The following RBFOX1 variants were observed in gnomAD, a reference collection of about 807,000 sequenced individuals.
The protein encoded by RBFOX1 is RNA binding protein fox-1 homolog 1.
A neutral mutation model predicts 57.7 loss-of-function variants in RBFOX1; 8 were observed. The ratio of observed to expected loss-of-function variants is 0.14; its 90% confidence interval spans 0.08 to 0.25. The LOEUF (loss-of-function observed/expected upper bound fraction) is 0.25. RBFOX1 is among the 10% of genes least tolerant of loss of function. The pLI is 1.00. For synonymous variants in RBFOX1, 326 were observed against 222.4 expected (o/e 1.47, Z -4.15); for missense variants, 611 against 548.5 (o/e 1.11, Z -1.14).
intron 5 of RBFOX1, among the ~76,000 whole-genome samples, chr16:7,575,770 C>T (rs7190981): frequency 0.42 from 63,716 of 151,768 alleles, 13,742 homozygotes; most frequent in East Asian, 0.53. Context: ...ATGTTTTCCC[C>T]GGAAGGTCCC....
rs535165197 is a variant in RBFOX1 at position 6,864,306 on chromosome 16, T to C, written c.-15-187751T>C. Among the ~76,000 whole-genome samples, 6 of 152,272 alleles carry C rather than the reference T, an allele frequency of 3.9e-5. 1 individual carries two copies. Among genetic ancestry groups the C allele is most frequent in the Admixed American group, 3.9e-4 (6 of 15,298 alleles). ...AAATTAGAGAACACACTTCATTCTT[T>C]CCTTATCCTATCCAGTTATTTCAAG... is the stretch of plus-strand genomic sequence containing the variant. On this transcript the variant is annotated intron_variant, in intron 3 of 15. Transcript: ENST00000550418.
At chr16:6,919,035 C>G (rs112568694) in intron 3 of RBFOX1, among the ~76,000 whole-genome samples, 3 of 152,134 alleles carry the variant, frequency 2.0e-5, no homozygotes, top group African/African-American at 7.2e-5. Context: ...GGCTGGAGTG[C>G]ACAGGTAGGA....
chr16:5,554,857 T>A (rs927074766), intron 2 of RBFOX1, among the ~76,000 whole-genome samples: 11 of 152,216 alleles, frequency 7.2e-5, no homozygotes, highest in Non-Finnish European at 1.5e-4. Context: ...TCTGAGCAGT[T>A]GTCTCCAATG....
At chr16:7,472,908 A>G (rs2061829680) in intron 4 of RBFOX1, among the ~76,000 whole-genome samples, 2 of 152,184 alleles carry the variant, frequency 1.3e-5, no homozygotes. Context: ...AGCAAACGCA[A>G]TATTAATATC....
rs113546837 is a variant in RBFOX1 at position 7,543,429 on chromosome 16, G to T, written c.270+25040G>T. Among the ~76,000 whole-genome samples, 208 of 152,266 alleles carry T rather than the reference G, an allele frequency of 1.4e-3. 2 individuals are homozygous for T. Among genetic ancestry groups the T allele is most frequent in the African/African-American group, 4.7e-3 (196 of 41,554 alleles). ...CCAGCAGCTATCACTGCCAAGGACT[G>T]GGTGGGTTCTAGGCACCTGTCCCTT... On this transcript the variant is annotated intron_variant, in intron 5 of 15. Transcript: ENST00000550418.
chr16:6,854,246 T>C (rs1051503207), intron 3 of RBFOX1, among the ~76,000 whole-genome samples: 9 of 152,156 alleles, frequency 5.9e-5, no homozygotes, highest in Non-Finnish European at 1.2e-4. Flanking sequence ...GAGGGACATA[T>C]ACCATTAGCA....
chr16:5,316,736 G>A lies in RBFOX1; in HGVS notation c.219+76631G>A, dbSNP rs577575227. ...TTGCATTAATTATTCTCAACACACTGAGTCCATCTCTCTTCTGCTGAAAGG... is the reference window on the plus strand; with the variant it reads ...TTGCATTAATTATTCTCAACACACTAAGTCCATCTCTCTTCTGCTGAAAGG... On this transcript the variant is annotated intron_variant, in intron 1 of 2. Coordinates refer to the RBFOX1 transcript ENST00000585867. Among the ~76,000 whole-genome samples the A allele has an allele frequency of 7.6e-4, 116 of 152,274 alleles. 1 individual carries two copies. Among genetic ancestry groups the A allele is most frequent in the African/African-American group, 2.8e-3 (115 of 41,550 alleles).
intron 3 of RBFOX1, among the ~76,000 whole-genome samples, chr16:6,973,139 A>G (rs999708152): frequency 6.6e-6 from 1 of 151,504 alleles, no homozygotes; most frequent in African/African-American, 2.4e-5. Flanking sequence ...GTCTAAATAA[A>G]TTAAAAATTT....
intron 3 of RBFOX1, among the ~76,000 whole-genome samples, chr16:6,780,488 T>TTATATACATTTTTATATATTTA (rs1567218028): frequency 4.4e-5 from 4 of 91,400 alleles, no homozygotes; most frequent in Non-Finnish European, 8.5e-5. Flanking sequence ...TTATATATAT[T>TTATATACATTTTTATATATTTA]TATATACATT....
At chr16:5,421,681 A>G (rs899919469) in intron 1 of RBFOX1, among the ~76,000 whole-genome samples, 2 of 152,224 alleles carry the variant, frequency 1.3e-5, no homozygotes, top group Non-Finnish European at 2.9e-5. Context: ...TTAATTATTA[A>G]AAAAGACATT....
intron 1 of RBFOX1, among the ~76,000 whole-genome samples, chr16:6,057,997 C>CA (rs2095636032): frequency 6.6e-6 from 1 of 151,934 alleles, no homozygotes; most frequent in African/African-American, 2.4e-5. Context: ...GCACTTCAGA[C>CA]AAAGGCCTGA....
chr16:6,124,649 T>C (rs1435163738), intron 1 of RBFOX1, among the ~76,000 whole-genome samples: 1 of 152,104 alleles, frequency 6.6e-6, no homozygotes, highest in African/African-American at 2.4e-5. Flanking sequence ...ATTACAGGCA[T>C]GCACCAGCAT....
intron 4 of RBFOX1, among the ~76,000 whole-genome samples, chr16:7,407,006 A>T (rs1273007504): frequency 1.3e-5 from 2 of 152,274 alleles, no homozygotes; most frequent in East Asian, 3.9e-4. Context: ...CCAAGTGAGT[A>T]TGCTGACTAA....
At chr16:7,232,579 T>G (rs1208299496) in intron 4 of RBFOX1, among the ~76,000 whole-genome samples, 1 of 152,126 alleles carries the variant, frequency 6.6e-6, no homozygotes, top group Non-Finnish European at 1.5e-5. Context: ...AAGCGGCTCA[T>G]GCCTGTAATC....
intron 1 of RBFOX1, among the ~76,000 whole-genome samples, chr16:6,100,350 G>C (rs927016844): frequency 1.3e-5 from 2 of 152,168 alleles, no homozygotes; most frequent in African/African-American, 4.8e-5. Context: ...TTTTAGTAGA[G>C]ACGGGGTTTC....
chr16:7,602,313 G>A (rs576751349), intron 9 of RBFOX1, among the ~76,000 whole-genome samples: 73 of 152,294 alleles, frequency 4.8e-4, no homozygotes, highest in African/African-American at 1.6e-3. Flanking sequence ...GGTCTAAACT[G>A]CTTGCGTATC....
chr16:7,548,338 G>A (rs1342132059), intron 5 of RBFOX1, among the ~76,000 whole-genome samples: 1 of 152,132 alleles, frequency 6.6e-6, no homozygotes, highest in Non-Finnish European at 1.5e-5. Flanking sequence ...TGTAGTTTTA[G>A]TAGAGACAGG....
At chr16:5,981,306 C>A (rs906704764) in intron 4 of RBFOX1, among the ~76,000 whole-genome samples, 1 of 152,158 alleles carries the variant, frequency 6.6e-6, no homozygotes, top group African/African-American at 2.4e-5. Flanking sequence ...TACAAATGTT[C>A]TGGAGCCCTA....
chr16:7,604,086 G>T (rs1273961791), intron 9 of RBFOX1, among the ~76,000 whole-genome samples: 1 of 152,248 alleles, frequency 6.6e-6, no homozygotes, highest in Non-Finnish European at 1.5e-5. Context: ...ATCACACATG[G>T]GGTATGAGGG....
Sources: gnomAD v4.1 joint callset for allele counts (sites outside exome capture counted in the v4.1 genomes callset) on GRCh38, gnomAD v4.1.1 for gene constraint, MANE v1.5 for transcripts, NCBI Gene and HGNC (gene_info 2026-07-23, HGNC 2026-07-21) for gene names.